GOLPH3: variants seen among roughly 807,000 people sequenced by gnomAD.
GOLPH3 encodes coat protein GPP34.
In GOLPH3, 14 loss-of-function variants were observed where a neutral mutation model predicts 28.5. The ratio of observed to expected loss-of-function variants is 0.49; its 90% confidence interval spans 0.32 to 0.77. The LOEUF is 0.77. GOLPH3 is among the 30% of genes least tolerant of loss of function. The pLI is 0.03. For synonymous variants in GOLPH3, 158 were observed against 159.2 expected (o/e 0.99, Z 0.06); for missense variants, 350 against 393.7 (o/e 0.89, Z 0.94).
rs368267596 is a variant in GOLPH3 at position 32,135,542 on chromosome 5, T to C, written c.472+30A>G. Reference sequence around the variant, plus strand: ...AACTTCGCAATCTTTTAAACAGAAGTTGGTTTTTGGTTTATTCACAGCAGC... The same window carrying C: ...AACTTCGCAATCTTTTAAACAGAAGCTGGTTTTTGGTTTATTCACAGCAGC... On this transcript the variant is annotated intron_variant, in intron 3 of 3. Transcript: ENST00000265070. 73 of 1,279,086 alleles carry C rather than the reference T, an allele frequency of 5.7e-5. 1 individual carries two copies. The highest frequency in any genetic ancestry group is 3.9e-4 in the East Asian group (17 of 43,352). The allele number at this position is 1,279,086 out of a possible 1,614,324, so 79.2% of individuals were successfully genotyped here. A position where few individuals can be genotyped will look rare whatever the true frequency, so the allele number is the denominator to read the frequency against.
rs1173728697 is a variant in GOLPH3 at position 32,148,427 on chromosome 5, A to T, written c.226-4547T>A. Among the ~76,000 whole-genome samples, 6 of 152,352 alleles carry T rather than the reference A, an allele frequency of 3.9e-5. No individual in the cohort carries two copies. In the South Asian group the frequency reaches 6.2e-4, roughly 16 times the overall value. ...TTATGTACAAAATATTTCAAAATGAAATCACTAAAAACACTATATTTTCTA... is the reference window on the plus strand; with the variant it reads ...TTATGTACAAAATATTTCAAAATGATATCACTAAAAACACTATATTTTCTA... On this transcript the variant is annotated intron_variant, in intron 1 of 3. Transcript: ENST00000265070.
intron 1 of GOLPH3, among the ~76,000 whole-genome samples, chr5:32,162,218 C>G (rs867116668): frequency 6.6e-6 from 1 of 150,826 alleles, no homozygotes. Context: ...TAAGGCCAGG[C>G]GTGGTGGCTC....
At chr5:32,140,605 G>C (rs889008309) in intron 2 of GOLPH3, among the ~76,000 whole-genome samples, 1 of 151,476 alleles carries the variant, frequency 6.6e-6, no homozygotes, top group African/African-American at 2.4e-5. Flanking sequence ...GGAGGTTACA[G>C]TGAGCTGAGA....
Position 32,174,104 on chromosome 5 carries a change from G to T in GOLPH3, c.-70C>A, listed in dbSNP as rs1746919875. 1.8e-6 allele frequency: 2 copies of T among 1,090,134 alleles called. No individual in the cohort carries two copies. The highest frequency in any genetic ancestry group is 4.3e-5 in the Admixed American group (1 of 23,018). The allele number at this position is 1,090,134 out of a possible 1,614,324, so 67.5% of individuals were successfully genotyped here. ...CGACCGGGTCGCCCTCCTCCTCCCC[G>T]CGCGGCCTCCGATCCGGGTTTCCGT... On this transcript the variant is annotated 5_prime_UTR_variant, in exon 1 of 4. Transcript: ENST00000265070.
intron 1 of GOLPH3, among the ~76,000 whole-genome samples, chr5:32,167,102 C>A (rs1746732758): frequency 6.6e-6 from 1 of 152,158 alleles, no homozygotes; most frequent in Admixed American, 6.6e-5. Flanking sequence ...AAGTGTATTT[C>A]TTTAAATATC....
chr5:32,139,769 G>A (rs77665047), intron 2 of GOLPH3, among the ~76,000 whole-genome samples: 4,839 of 152,150 alleles, frequency 0.032, 158 homozygotes, highest in East Asian at 0.17. Context: ...ACACAGAAGA[G>A]ATCAAAAAGA....
intron 1 of GOLPH3, among the ~76,000 whole-genome samples, chr5:32,152,786 AAAAAAC>A (rs945851790): frequency 1.3e-5 from 2 of 152,012 alleles, no homozygotes; most frequent in East Asian, 1.9e-4. Flanking sequence ...AGTCTCAAAA[AAAAAAC>A]AAAAACAAAA....
At chr5:32,166,960 G>A (rs934763958) in intron 1 of GOLPH3, among the ~76,000 whole-genome samples, 1 of 150,668 alleles carries the variant, frequency 6.6e-6, no homozygotes, top group African/African-American at 2.5e-5. Flanking sequence ...AAGTTATGCT[G>A]TTAGAAGGGG....
chr5:32,127,305 T>C (rs1183913218), intron 3 of GOLPH3, among the ~76,000 whole-genome samples: 3 of 152,264 alleles, frequency 2.0e-5, no homozygotes, highest in African/African-American at 7.2e-5. Flanking sequence ...TTTGGGATTA[T>C]GTGTGCTCAA....
At chr5:32,154,460 G>A (rs1746374906) in intron 1 of GOLPH3, among the ~76,000 whole-genome samples, 3 of 152,214 alleles carry the variant, frequency 2.0e-5, no homozygotes, top group Admixed American at 1.3e-4. Context: ...TAACTGTGAT[G>A]TGATATGAAA....
Position 32,135,636 on chromosome 5 carries a change from A to G in GOLPH3, c.408T>C (p.Ala136=). 1.9e-6 allele frequency: 3 copies of G among 1,613,960 alleles called. No homozygotes were observed. Among genetic ancestry groups the G allele is most frequent in the South Asian group, 1.1e-5 (1 of 91,082 alleles). Residue 136 remains alanine, a synonymous_variant, in exon 3 of 4, where the codon GCT becomes GCC. Transcript: ENST00000265070. ...APTGDVLLDE[A]LKHVKETQPP... The stretch of plus-strand genomic sequence containing the variant: ...GCTGAGTTTCCTTAACATGCTTCAG[A>G]GCTTCATCAAGAAGAACATCCCCTG...
intron 1 of GOLPH3, among the ~76,000 whole-genome samples, chr5:32,167,026 C>T (rs58650248): frequency 0.055 from 8,341 of 151,842 alleles, 485 homozygotes; most frequent in African/African-American, 0.14. Flanking sequence ...ACATTATGTA[C>T]CAGAACAAGC....
chr5:32,129,492 C>T (rs1745776906), intron 3 of GOLPH3, among the ~76,000 whole-genome samples: 1 of 152,112 alleles, frequency 6.6e-6, no homozygotes, highest in Non-Finnish European at 1.5e-5. Flanking sequence ...GGATATACTT[C>T]TAACCCTGTA....
In GOLPH3 at chr5:32,125,871, A is replaced by C; in HGVS notation, c.*341T>G. Reference sequence around the variant, plus strand: ...GCTAGATGTACATGCACATATGGAGAAACTCAAGCTGAGGTCATCCAAAAG... The same window carrying C: ...GCTAGATGTACATGCACATATGGAGCAACTCAAGCTGAGGTCATCCAAAAG... On this transcript the variant is annotated 3_prime_UTR_variant, in exon 4 of 4. Transcript: ENST00000265070. The C allele has an allele frequency of 4.5e-6, 1 of 220,306 alleles. No homozygotes were observed. The highest frequency in any genetic ancestry group is 1.1e-4 in the South Asian group (1 of 9,346). The allele number at this position is 220,306 out of a possible 1,614,324, so 13.6% of individuals were successfully genotyped here. A position where few individuals can be genotyped will look rare whatever the true frequency, so the allele number is the denominator to read the frequency against.
In GOLPH3 at chr5:32,162,807, G is replaced by A. The variant is rs138344734; in HGVS notation, c.225+11003C>T. ...CAAAAGTAGGCCCATGGCCGGGCGC[G>A]GTGGCTCACGCCTGTAATCCCAGCA... On this transcript the variant is annotated intron_variant, in intron 1 of 3. Transcript: ENST00000265070. 6.9e-3 allele frequency among the ~76,000 whole-genome samples: 1,045 copies of A among 152,308 alleles called. 19 individuals are homozygous for A. The highest frequency in any genetic ancestry group is 0.024 in the African/African-American group (999 of 41,572).
chr5:32,150,675 ATTT>A (rs368911191), intron 1 of GOLPH3, among the ~76,000 whole-genome samples: 3 of 151,960 alleles, frequency 2.0e-5, no homozygotes, highest in East Asian at 3.9e-4. Flanking sequence ...TGGAGTTAAG[ATTT>A]TTTTTCACAT....
intron 2 of GOLPH3, among the ~76,000 whole-genome samples, chr5:32,140,501 A>C (rs932634487): frequency 1.3e-5 from 2 of 151,890 alleles, no homozygotes; most frequent in African/African-American, 4.8e-5. Context: ...CATATAAAAA[A>C]AAAAAAAATT....
chr5:32,149,096 G>A (rs573163401), intron 1 of GOLPH3, among the ~76,000 whole-genome samples: 1 of 152,374 alleles, frequency 6.6e-6, no homozygotes, highest in East Asian at 1.9e-4. Flanking sequence ...ATATGGGCAT[G>A]GCACTGGAGC....
chr5:32,125,142 T>A lies in GOLPH3; in HGVS notation c.*1070A>T, dbSNP rs1032598961. On this transcript the variant is annotated 3_prime_UTR_variant, in exon 4 of 4. Coordinates refer to ENST00000265070, the MANE Select transcript of GOLPH3 (RefSeq NM_022130.4). Reference sequence around the variant, plus strand: ...ACTTGCTACCAATTTACATGCAACATCTGCTAGGACTGACATTTGATTTTT... The same window carrying A: ...ACTTGCTACCAATTTACATGCAACAACTGCTAGGACTGACATTTGATTTTT... 6.5e-6 allele frequency: 1 copy of A among 152,676 alleles called. No individual in the cohort carries two copies. Among genetic ancestry groups the A allele is most frequent in the African/African-American group, 2.4e-5 (1 of 41,470 alleles). 9.5% of individuals were successfully genotyped at this position (152,676 alleles called of 1,614,324 possible). A position where few individuals can be genotyped will look rare whatever the true frequency, so the allele number is the denominator to read the frequency against.
Sources: allele counts gnomAD v4.1 joint callset (sites outside exome capture counted in the v4.1 genomes callset), GRCh38; gene constraint gnomAD v4.1.1; transcripts MANE v1.5; gene names NCBI Gene and HGNC (gene_info 2026-07-23, HGNC 2026-07-21).